The following NOX5 variants were observed in gnomAD, a reference collection of about 807,000 sequenced individuals.
NOX5 encodes NADPH oxidase 5.
NOX5 carries 76 observed loss-of-function variants against 85.7 expected under a neutral mutation model. The ratio of observed to expected loss-of-function variants is 0.89; its 90% CI spans 0.74 to 1.07. NOX5 has a LOEUF of 1.07. NOX5 is among the 50% of genes least tolerant of loss of function. The pLI is 0.00. For missense variants in NOX5, 973 were observed against 999.5 expected, an observed-to-expected ratio of 0.97 and a Z score of 0.36; for synonymous variants, 405 against 401.4, an observed-to-expected ratio of 1.01 and a Z score of -0.11.
At chr15:69,041,282 T>C (rs572914062) in intron 9 of NOX5, among the ~76,000 whole-genome samples, 1 of 152,300 alleles carries the variant, frequency 6.6e-6, no homozygotes, top group African/African-American at 2.4e-5. Flanking sequence ...GAGAGGTGGA[T>C]GGAGCTAGGA....
chr15:69,026,564 G>A lies in NOX5; in HGVS notation c.87G>A (p.Arg29=), dbSNP rs2050361021. The change falls in exon 2 of 16, where the codon CGG becomes CGA. Residue 29 remains arginine (R), a synonymous_variant. Transcript: ENST00000388866. ...CCGAGGAGGATGCCAGGTGGCTCCG[G>A]TGGGTGACTCAGCAGTTTAAGACCA... ...MSAEEDARWL[R]WVTQQFKTIA... 1.9e-6 allele frequency: 3 copies of A among 1,614,204 alleles called. No homozygotes were observed. The highest frequency in any genetic ancestry group is 2.7e-5 in the African/African-American group (2 of 75,054).
intron 1 of NOX5, 28 bp downstream of exon 1, chr15:69,014,813 A>G: frequency 1.4e-6 from 2 of 1,471,772 alleles, no homozygotes; most frequent in Non-Finnish European, 1.9e-6. Flanking sequence ...CCAGCTTTCC[A>G]TGCCAGGGAC....
intron 14 of NOX5, among the ~76,000 whole-genome samples, chr15:69,051,442 G>T (rs917289887): frequency 1.3e-5 from 2 of 151,638 alleles, no homozygotes. Context: ...AGGCTGGAGT[G>T]CAGTGGCGCT....
intron 3 of NOX5, 188 bp from the exon 4 acceptor site, chr15:69,031,330 T>C: frequency 1.6e-6 from 1 of 619,482 alleles, no homozygotes; most frequent in Non-Finnish European, 2.8e-6. Context: ...AGGCAACCAC[T>C]GAAGCCAAAG....
chr15:69,022,837 T>G, intron 1 of NOX5: 1 of 312,702 alleles, frequency 3.2e-6, no homozygotes, highest in South Asian at 3.1e-5. Context: ...CCTCTCATCT[T>G]GTTCCTGGAT....
rs1428704868 is a variant in NOX5, at chr15:69,026,578, A to T, written c.101A>T (p.Gln34Leu). The change falls in exon 2 of 16, where the codon CAG (glutamine) becomes CTG (leucine). Residue 34 changes from glutamine (Q) to leucine (L), a missense_variant. Physicochemically the swap from Gln to Leu is moderately radical, Grantham distance 113 (BLOSUM62 -2). Coordinates refer to ENST00000388866, the MANE Select transcript of NOX5 (RefSeq NM_024505.4). ...AGGTGGCTCCGGTGGGTGACTCAGC[A>T]GTTTAAGACCATTGCAGGAGAAGAT... ...DARWLRWVTQ[Q>L]FKTIAGEDGE... is the part of the protein sequence containing the mutation. The T allele has an allele frequency of 1.2e-6, 2 of 1,614,114 alleles. No homozygotes were observed. The highest frequency in any genetic ancestry group is 8.5e-7 in the Non-Finnish European group (1 of 1,180,048).
At chr15:69,034,820 G>A (rs376521102) in intron 5 of NOX5, among the ~76,000 whole-genome samples, 1 of 152,182 alleles carries the variant, frequency 6.6e-6, no homozygotes, top group African/African-American at 2.4e-5. Flanking sequence ...ATAGGTTGCT[G>A]TAACCTCAAA....
intron 14 of NOX5, among the ~76,000 whole-genome samples, chr15:69,049,700 T>C (rs1195091233): frequency 6.6e-6 from 1 of 152,184 alleles, no homozygotes; most frequent in African/African-American, 2.4e-5. Context: ...AAAATTTAAA[T>C]TCCTAGGCCT....
intron 14 of NOX5, 79 bp from the exon 15 acceptor site, chr15:69,055,255 A>G: frequency 6.9e-7 from 1 of 1,457,746 alleles, no homozygotes; most frequent in Non-Finnish European, 9.4e-7. Context: ...GCCCCAGGGT[A>G]AGGTAGTGGT....
chr15:69,044,396 G>A (rs963730903), intron 10 of NOX5, among the ~76,000 whole-genome samples: 1 of 152,182 alleles, frequency 6.6e-6, no homozygotes, highest in African/African-American at 2.4e-5. Context: ...AACATCTCAG[G>A]TGATAATAAA....
At chr15:69,047,662 C>G (rs2050692833) in intron 12 of NOX5, 125 bp downstream of exon 12, 2 of 1,375,272 alleles carry the variant, frequency 1.5e-6, no homozygotes, top group East Asian at 5.0e-5. Flanking sequence ...TCTTCTCTCT[C>G]TTTCCTCTCC....
intron 15 of NOX5, among the ~76,000 whole-genome samples, chr15:69,056,318 C>A (rs533237637): frequency 2.6e-5 from 4 of 152,288 alleles, no homozygotes; most frequent in Admixed American, 2.6e-4. Flanking sequence ...TTATTTATTT[C>A]TGGCCCTGGT....
At chr15:69,040,608 T>A (rs566209377) in intron 9 of NOX5, among the ~76,000 whole-genome samples, 203 of 152,342 alleles carry the variant, frequency 1.3e-3, no homozygotes, top group Non-Finnish European at 2.4e-3. Flanking sequence ...AATATGGTTA[T>A]TGACTATTAT....
intron 10 of NOX5, chr15:69,046,211 C>G (rs971566852): frequency 1.3e-5 from 2 of 152,346 alleles, no homozygotes; most frequent in Admixed American, 6.5e-5. Context: ...GAGGCCTGCT[C>G]TCTTCCCCGA....
chr15:69,021,025 CTAAT>C lies in NOX5; in HGVS notation c.51-5500_51-5497del, dbSNP rs532630010. 1.5e-4 allele frequency among the ~76,000 whole-genome samples: 22 copies of C among 151,626 alleles called. No homozygotes were observed. In the South Asian group the frequency reaches 4.6e-3, roughly 32 times the overall value. On this transcript the variant is annotated intron_variant, in intron 1 of 15. Transcript: ENST00000388866. ...CATTACTAAACTAAGTTCTAACTAACTAATTAGGTTCTAACTAACTAAACTAAGG... is the reference window on the plus strand; with the variant it reads ...CATTACTAAACTAAGTTCTAACTAACTAGGTTCTAACTAACTAAACTAAGG...
Position 69,033,412 on chromosome 15 carries a change from C to A in NOX5, c.855+135C>A, listed in dbSNP as rs912961567. The A allele has an allele frequency of 1.1e-5, 11 of 1,003,910 alleles. No homozygotes were observed. The African/African-American group carries it at 1.9e-4, about 17-fold the overall frequency. The allele number at this position is 1,003,910 out of a possible 1,614,324, so 62.2% of individuals were successfully genotyped here. On this transcript the variant is annotated intron_variant, in intron 5 of 15. Transcript: ENST00000388866. ...GCACCTTAGAAATCAGCTGGGCCAA[C>A]GCTCAGAGTTGGAGGACGCCGCCCA...
At position 69,031,692 on chromosome 15, in the gene NOX5, A is replaced by T; in HGVS notation, c.500A>T (p.Asp167Val). 6.2e-7 allele frequency: 1 copy of T among 1,613,246 alleles called. No homozygotes were observed. Among genetic ancestry groups the T allele is most frequent in the Non-Finnish European group, 8.5e-7 (1 of 1,179,842 alleles). The change falls in exon 4 of 16, where the codon GAC becomes GTC. Residue 167 changes from aspartate to valine, a missense_variant. Asp to Val is a radical substitution (Grantham distance 152). Coordinates refer to ENST00000388866, the MANE Select transcript of NOX5 (RefSeq NM_024505.4). The stretch of plus-strand genomic sequence containing the variant: ...ATCTCGCTGCCTGACGAGAAGCTGG[A>T]CCAGCTGACGCTGGCGCTCTTCGAA... ...SAISLPDEKL[D>V]QLTLALFESA...
chr15:69,057,226 C>T lies in NOX5; in HGVS notation c.*530C>T, dbSNP rs1483927187. 2 of 152,318 alleles carry T rather than the reference C, an allele frequency of 1.3e-5. No individual in the cohort carries two copies. Among genetic ancestry groups the T allele is most frequent in the African/African-American group, 4.8e-5 (2 of 41,426 alleles). 9.4% of individuals were successfully genotyped at this position (152,318 alleles called of 1,614,324 possible). On this transcript the variant is annotated 3_prime_UTR_variant, in exon 16 of 16. Transcript: ENST00000388866. ...ACATATTATCCATCAGTTCCTCCTCCCTCTTTCCATCTGTCAATTTATCTG... is the reference window on the plus strand; with the variant it reads ...ACATATTATCCATCAGTTCCTCCTCTCTCTTTCCATCTGTCAATTTATCTG...
intron 9 of NOX5, among the ~76,000 whole-genome samples, chr15:69,040,164 C>T (rs2050575711): frequency 1.3e-5 from 2 of 152,238 alleles, no homozygotes; most frequent in Non-Finnish European, 2.9e-5. Context: ...GCTGCATACC[C>T]CCTACCTTGG....
Sources: allele counts gnomAD v4.1 joint callset (sites outside exome capture counted in the v4.1 genomes callset), GRCh38; gene constraint gnomAD v4.1.1; transcripts MANE v1.5; gene names NCBI Gene and HGNC (gene_info 2026-07-23, HGNC 2026-07-21).